The following TAFA4 variants were observed in gnomAD, a reference collection of about 807,000 sequenced individuals.
TAFA4 encodes TAFA chemokine like family member 4, also known as chemokine-like protein TAFA-4.
Under a neutral mutation model 21.1 loss-of-function variants are expected in TAFA4, and 20 were observed. The observed-to-expected ratio is 0.95, with a 90% confidence interval of 0.67 to 1.38. The LOEUF is 1.38. TAFA4 is among the 40% of genes most tolerant of loss of function. The probability of loss-of-function intolerance (pLI) is 0.00; values close to 1 mark genes in which losing one functional copy is unlikely to be tolerated. For missense variants in TAFA4, 211 were observed against 180.9 expected (o/e 1.17, Z -0.95); for synonymous variants, 71 against 67.4 (o/e 1.05, Z -0.26).
chr3:68,812,790 C>T (rs113237239), intron 3 of TAFA4, among the ~76,000 whole-genome samples: 96,187 of 151,754 alleles, frequency 0.63, 31,190 homozygotes, highest in East Asian at 0.98. Context: ...AAGAAGGATA[C>T]CCAGGAATTG....
intron 4 of TAFA4, among the ~76,000 whole-genome samples, chr3:68,749,069 T>G (rs1702513966): frequency 6.6e-6 from 1 of 152,228 alleles, no homozygotes. Context: ...TTAGGACCCA[T>G]ACCACAGTCT....
At chr3:68,876,354 G>T (rs531258066) in intron 3 of TAFA4, among the ~76,000 whole-genome samples, 1 of 152,206 alleles carries the variant, frequency 6.6e-6, no homozygotes, top group Admixed American at 6.5e-5. Flanking sequence ...TTTTTCAAAC[G>T]CATCTGTGTT....
At chr3:68,856,375 G>A (rs1456281621) in intron 3 of TAFA4, among the ~76,000 whole-genome samples, 8 of 152,038 alleles carry the variant, frequency 5.3e-5, no homozygotes, top group African/African-American at 1.2e-4. Context: ...GAAATTCCAC[G>A]TCTAAATGGC....
At chr3:68,806,665 A>C (rs577669086) in intron 3 of TAFA4, among the ~76,000 whole-genome samples, 2 of 152,108 alleles carry the variant, frequency 1.3e-5, no homozygotes, top group Non-Finnish European at 2.9e-5. Context: ...AGAAGGTAGG[A>C]CTTCTGGGAG....
intron 3 of TAFA4, among the ~76,000 whole-genome samples, chr3:68,754,982 A>G (rs1575596348): frequency 6.6e-6 from 1 of 152,114 alleles, no homozygotes; most frequent in South Asian, 2.1e-4. Flanking sequence ...ATCCTTGATG[A>G]CTTTTTGTGG....
chr3:68,860,533 G>A (rs1490697381), intron 3 of TAFA4, among the ~76,000 whole-genome samples: 1 of 151,850 alleles, frequency 6.6e-6, no homozygotes, highest in African/African-American at 2.4e-5. Context: ...GTTGGTAAAT[G>A]GTCTTTTAAA....
intron 1 of TAFA4, among the ~76,000 whole-genome samples, chr3:68,924,249 G>A (rs1417441229): frequency 6.6e-6 from 1 of 152,112 alleles, no homozygotes; most frequent in African/African-American, 2.4e-5. Context: ...GTCCATTGAA[G>A]GACAAATAAA....
intron 4 of TAFA4, among the ~76,000 whole-genome samples, chr3:68,740,931 C>A (rs1284809637): frequency 6.6e-6 from 1 of 152,152 alleles, no homozygotes; most frequent in Non-Finnish European, 1.5e-5. Context: ...AGTCTTGTCA[C>A]CCTGTCAAAG....
At chr3:68,850,026 T>C (rs1239534531) in intron 3 of TAFA4, among the ~76,000 whole-genome samples, 1 of 152,238 alleles carries the variant, frequency 6.6e-6, no homozygotes, top group East Asian at 1.9e-4. Flanking sequence ...TCAAGGTTTT[T>C]GGCTTGCCAG....
At chr3:68,864,702 C>A (rs1456597459) in intron 3 of TAFA4, among the ~76,000 whole-genome samples, 1 of 151,960 alleles carries the variant, frequency 6.6e-6, no homozygotes, top group African/African-American at 2.4e-5. Context: ...TGTTTATCAA[C>A]AAGTGAATGG....
chr3:68,812,379 C>G (rs999461866), intron 3 of TAFA4, among the ~76,000 whole-genome samples: 1 of 152,128 alleles, frequency 6.6e-6, no homozygotes, highest in African/African-American at 2.4e-5. Flanking sequence ...CACAGACTGG[C>G]AAATTGGATC....
chr3:68,905,742 G>A (rs2089893722), intron 1 of TAFA4, among the ~76,000 whole-genome samples: 2 of 152,156 alleles, frequency 1.3e-5, no homozygotes, highest in Non-Finnish European at 2.9e-5. Flanking sequence ...CTCCCACAAG[G>A]TAGGGAGAAG....
chr3:68,904,583 G>C (rs2089878897), intron 1 of TAFA4, among the ~76,000 whole-genome samples: 1 of 152,158 alleles, frequency 6.6e-6, no homozygotes, highest in Non-Finnish European at 1.5e-5. Flanking sequence ...AATATGAATG[G>C]GGTCTTAGGG....
At chr3:68,848,923 G>T (rs1704875459) in intron 3 of TAFA4, among the ~76,000 whole-genome samples, 1 of 130,040 alleles carries the variant, frequency 7.7e-6, no homozygotes. Context: ...TCACCAAGGA[G>T]AATGCTAACT....
chr3:68,819,817 C>T (rs182278667), intron 3 of TAFA4, among the ~76,000 whole-genome samples: 39 of 152,226 alleles, frequency 2.6e-4, no homozygotes, highest in African/African-American at 8.4e-4. Context: ...GAAAAGGGAA[C>T]GCTTACACAC....
At chr3:68,886,983 C>T (rs898195535) in intron 1 of TAFA4, among the ~76,000 whole-genome samples, 1 of 152,134 alleles carries the variant, frequency 6.6e-6, no homozygotes, top group African/African-American at 2.4e-5. Flanking sequence ...ATATTCATTC[C>T]ATCTCAATAG....
At chr3:68,774,576 G>C (rs1019744383) in intron 3 of TAFA4, among the ~76,000 whole-genome samples, 2 of 152,330 alleles carry the variant, frequency 1.3e-5, no homozygotes, top group East Asian at 3.9e-4. Context: ...GAGAGAAGCA[G>C]TAGAGCAAAG....
At chr3:68,877,219 C>T (rs961582475) in intron 3 of TAFA4, among the ~76,000 whole-genome samples, 8 of 152,070 alleles carry the variant, frequency 5.3e-5, no homozygotes, top group South Asian at 2.1e-4. Flanking sequence ...ATTAGCTGGG[C>T]GCTGTGGTAG....
intron 1 of TAFA4, among the ~76,000 whole-genome samples, chr3:68,898,627 C>A (rs2089815049): frequency 1.3e-5 from 2 of 152,184 alleles, no homozygotes; most frequent in Admixed American, 6.5e-5. Flanking sequence ...ACCTGGGTGA[C>A]AGAATGAGAT....
Sources: allele counts gnomAD v4.1 joint callset (sites outside exome capture counted in the v4.1 genomes callset), GRCh38; gene constraint gnomAD v4.1.1; transcripts MANE v1.5; gene names NCBI Gene and HGNC (gene_info 2026-07-23, HGNC 2026-07-21).